The following TRMT61B variants were observed in gnomAD, a reference collection of about 807,000 sequenced individuals.
TRMT61B encodes tRNA methyltransferase 61B, also known as tRNA (adenine(58)-N(1))-methyltransferase, mitochondrial.
In TRMT61B, 56 loss-of-function variants were observed where a neutral mutation model predicts 52.0. The observed-to-expected ratio is 1.08, with a 90% confidence interval of 0.87 to 1.35. The LOEUF (loss-of-function observed/expected upper bound fraction) is 1.35, where lower values mean the gene tolerates loss of function less well. Ranked by LOEUF, TRMT61B falls within the 40% of genes most tolerant of loss-of-function variation. The pLI is 0.00. For synonymous variants in TRMT61B, 206 were observed against 220.0 expected, an observed-to-expected ratio of 0.94 and a Z score of 0.56; for missense variants, 650 against 577.9, an observed-to-expected ratio of 1.12 and a Z score of -1.28.
intron 3 of TRMT61B, among the ~76,000 whole-genome samples, chr2:28,852,981 A>G (rs1669189023): frequency 6.6e-6 from 1 of 152,102 alleles, no homozygotes; most frequent in Admixed American, 6.6e-5. Flanking sequence ...AATTTGTCAT[A>G]GTACTTGATG....
intron 3 of TRMT61B, among the ~76,000 whole-genome samples, chr2:28,857,241 A>T (rs966255434): frequency 6.7e-6 from 1 of 150,252 alleles, no homozygotes; most frequent in African/African-American, 2.5e-5. Context: ...GCCCACAGCT[A>T]TTTTTTTTTT....
intron 1 of TRMT61B, among the ~76,000 whole-genome samples, chr2:28,868,359 T>C (rs544432493): frequency 2.0e-5 from 3 of 152,296 alleles, no homozygotes; most frequent in South Asian, 4.1e-4. Context: ...TTGGAGACCA[T>C]CTCTCCTCAC....
Position 28,865,075 on chromosome 2 carries a change from A to T in TRMT61B, c.744T>A (p.Asp248Glu). 6.2e-7 allele frequency: 1 copy of T among 1,613,368 alleles called. No individual in the cohort carries two copies. The highest frequency in any genetic ancestry group is 8.5e-7 in the Non-Finnish European group (1 of 1,179,390). The change falls in exon 2 of 7, where the codon GAT becomes GAA. Residue 248 changes from aspartate to glutamate, a missense_variant. Transcript: ENST00000306108. ...AGCCTGAGCCAGCTTCCAAAACAGT[A>T]TCACCTGGGTTGATATCCATCATTG... ...ILSMMDINPG[D>E]TVLEAGSGSG...
chr2:28,851,357 A>C, intron 4 of TRMT61B, 59 bp from the exon 5 acceptor site: 1 of 1,186,224 alleles, frequency 8.4e-7, no homozygotes, highest in African/African-American at 1.5e-5. Flanking sequence ...TATTTATTTA[A>C]GTTCCCTATA....
At chr2:28,852,557 T>G in intron 3 of TRMT61B, 58 bp from the exon 4 acceptor site, 4 of 1,160,010 alleles carry the variant, frequency 3.4e-6, no homozygotes, top group Non-Finnish European at 5.1e-6. Flanking sequence ...AAAGCATAAG[T>G]TTTCTTATTG....
chr2:28,851,136 A>G lies in TRMT61B; in HGVS notation c.1248T>C (p.Asp416=), dbSNP rs917901673. The part of the protein sequence containing the change: ...AQKVESKINT[D]VQLDSQEKIG... ...TTTTCTCTTGAGAATCTAGTTGTACATCTGTGTTGATTTTAGATTCTACTT... is the reference window on the plus strand; with the variant it reads ...TTTTCTCTTGAGAATCTAGTTGTACGTCTGTGTTGATTTTAGATTCTACTT... Residue 416 remains aspartate (D), a synonymous_variant, in exon 5 of 7, where the codon GAT becomes GAC. Transcript: ENST00000306108. 2 of 1,613,234 alleles carry G rather than the reference A, an allele frequency of 1.2e-6. No individual in the cohort carries two copies. Among genetic ancestry groups the G allele is most frequent in the Middle Eastern group, 1.7e-4 (1 of 6,058 alleles).
intron 1 of TRMT61B, among the ~76,000 whole-genome samples, chr2:28,867,748 T>A (rs1669908915): frequency 6.6e-6 from 1 of 152,164 alleles, no homozygotes; most frequent in Non-Finnish European, 1.5e-5. Context: ...GAAAGTCTTT[T>A]AGTTTTCTTC....
chr2:28,865,210 AGGGAGTG>A, intron 1 of TRMT61B, 91 bp from the exon 2 acceptor site: 5 of 702,842 alleles, frequency 7.1e-6, no homozygotes, highest in Middle Eastern at 2.5e-4. Context: ...GTGCAGAAGA[AGGGAGTG>A]AAAAAACGAA....
chr2:28,861,288 T>G lies in TRMT61B; in HGVS notation c.823A>C (p.Ile275Leu), dbSNP rs747558596. Residue 275 changes from isoleucine (I) to leucine (L), a missense_variant, in exon 3 of 7, where the codon ATA (isoleucine) becomes CTA (leucine). Coordinates refer to ENST00000306108, the MANE Select transcript of TRMT61B (RefSeq NM_017910.4). ...SKAVGSQGRV[I>L]SFEVRKDHHD... ...TGGTCTTTTCGTACCTCAAAACTTA[T>G]GACTCGTCCTTGTGATCCAACTTAA... is the stretch of plus-strand genomic sequence containing the variant. 6.3e-7 allele frequency: 1 copy of G among 1,593,672 alleles called. No homozygotes were observed. Among genetic ancestry groups the G allele is most frequent in the South Asian group, 1.2e-5 (1 of 86,520 alleles).
chr2:28,861,815 T>C (rs1478995225), intron 2 of TRMT61B: 1 of 152,350 alleles, frequency 6.6e-6, no homozygotes, highest in African/African-American at 2.4e-5. Flanking sequence ...ATGGAATTGC[T>C]GGCTCAAGGG....
intron 3 of TRMT61B, among the ~76,000 whole-genome samples, chr2:28,855,542 A>C (rs1669303895): frequency 6.6e-6 from 1 of 152,198 alleles, no homozygotes; most frequent in Admixed American, 6.5e-5. Flanking sequence ...CTGAATCCAA[A>C]GTTTTTAGCC....
At position 28,850,114 on chromosome 2, in the gene TRMT61B, C is replaced by T; in HGVS notation, c.*85G>A. 7.5e-7 allele frequency: 1 copy of T among 1,338,986 alleles called. No individual in the cohort carries two copies. Among genetic ancestry groups the T allele is most frequent in the South Asian group, 1.3e-5 (1 of 78,626 alleles). The allele number at this position is 1,338,986 out of a possible 1,614,324, so 82.9% of individuals were successfully genotyped here. ...AAGTCATAGTAATAGCTAAAAATGCCAATCTATGGAAGCAGTGATTTTCAA... is the reference window on the plus strand; with the variant it reads ...AAGTCATAGTAATAGCTAAAAATGCTAATCTATGGAAGCAGTGATTTTCAA... On this transcript the variant is annotated 3_prime_UTR_variant, in exon 7 of 7. Transcript: ENST00000306108.
intron 1 of TRMT61B, among the ~76,000 whole-genome samples, 160 bp downstream of exon 1, chr2:28,869,416 CATG>C (rs1669986376): frequency 6.6e-6 from 1 of 152,166 alleles, no homozygotes; most frequent in African/African-American, 2.4e-5. Flanking sequence ...TAATTTTCAT[CATG>C]ATATGTAAAA....
At chr2:28,850,549 AGTT>A in intron 5 of TRMT61B, 144 bp from the exon 6 acceptor site, 2 of 596,216 alleles carry the variant, frequency 3.4e-6, no homozygotes, top group Non-Finnish European at 5.9e-6. Context: ...CTACTCTGCC[AGTT>A]ATTATACAGA....
intron 3 of TRMT61B, among the ~76,000 whole-genome samples, chr2:28,860,763 C>A (rs1221550468): frequency 1.3e-5 from 2 of 152,148 alleles, no homozygotes; most frequent in Non-Finnish European, 1.5e-5. Context: ...CTTATTCCCC[C>A]AAATCTCACA....
At chr2:28,857,379 T>C (rs1395709732) in intron 3 of TRMT61B, among the ~76,000 whole-genome samples, 2 of 152,026 alleles carry the variant, frequency 1.3e-5, no homozygotes, top group African/African-American at 4.8e-5. Context: ...AGAAACAAAG[T>C]GGTTCAGAAA....
At chr2:28,850,822 T>C (rs555002281) in intron 5 of TRMT61B, among the ~76,000 whole-genome samples, 2 of 152,320 alleles carry the variant, frequency 1.3e-5, no homozygotes, top group African/African-American at 4.8e-5. Context: ...TTTAAATTAT[T>C]TCACAAACCA....
Position 28,850,171 on chromosome 2 carries a change from T to C in TRMT61B, c.*28A>G, listed in dbSNP as rs755497310. The C allele has an allele frequency of 1.3e-6, 2 of 1,594,386 alleles. No homozygotes were observed. Among genetic ancestry groups the C allele is most frequent in the African/African-American group, 2.7e-5 (2 of 74,142 alleles). On this transcript the variant is annotated 3_prime_UTR_variant, in exon 7 of 7. Coordinates refer to ENST00000306108, the MANE Select transcript of TRMT61B (RefSeq NM_017910.4). ...GTTCTATTTTGATATTTTTCCATCT[T>C]CAAGTCAGTTACTGTCATCTGGAGT...
chr2:28,866,473 T>A (rs1669854942), intron 1 of TRMT61B, among the ~76,000 whole-genome samples: 1 of 152,190 alleles, frequency 6.6e-6, no homozygotes, highest in South Asian at 2.1e-4. Context: ...ATAAGGAGCA[T>A]GCAACCTAGA....
Sources: gnomAD v4.1 joint callset for allele counts (sites outside exome capture counted in the v4.1 genomes callset) on GRCh38, gnomAD v4.1.1 for gene constraint, MANE v1.5 for transcripts, NCBI Gene and HGNC (gene_info 2026-07-23, HGNC 2026-07-21) for gene names.